The following TIAM2 variants were observed in gnomAD, a reference collection of about 807,000 sequenced individuals.
The protein encoded by TIAM2 is TIAM Rac1 associated GEF 2.
In TIAM2, 80 loss-of-function variants were observed where a neutral mutation model predicts 152.9. The observed-to-expected ratio is 0.52, with a 90% CI of 0.44 to 0.63. The LOEUF (loss-of-function observed/expected upper bound fraction) is 0.63, where lower values mean the gene tolerates loss of function less well. TIAM2 is among the 30% of genes least tolerant of loss of function. The pLI, the probability that TIAM2 is intolerant of heterozygous loss-of-function variation, is 0.00. For missense variants in TIAM2, 1,965 were observed against 2,120.1 expected, an observed-to-expected ratio of 0.93 and a Z score of 1.44; for synonymous variants, 804 against 838.0, an observed-to-expected ratio of 0.96 and a Z score of 0.70.
intron 2 of TIAM2, among the ~76,000 whole-genome samples, chr6:155,116,393 A>T (rs1312628047): frequency 1.3e-5 from 2 of 148,464 alleles, no homozygotes; most frequent in Non-Finnish European, 2.9e-5. Context: ...TCTAAAAATG[A>T]CTCTCAAACA....
intron 14 of TIAM2, among the ~76,000 whole-genome samples, chr6:155,194,196 C>T (rs1161545370): frequency 6.6e-6 from 1 of 152,098 alleles, no homozygotes; most frequent in Non-Finnish European, 1.5e-5. Flanking sequence ...CGGGAGGAGG[C>T]CGGGGCTGTC....
At chr6:155,046,238 G>A (rs543339101) in intron 1 of TIAM2, among the ~76,000 whole-genome samples, 256 of 151,766 alleles carry the variant, frequency 1.7e-3, no homozygotes, top group Middle Eastern at 6.8e-3. Flanking sequence ...CCTGTTTCCA[G>A]CATTGCTGTT....
chr6:155,253,873 T>G, intron 24 of TIAM2, 100 bp from the exon 25 acceptor site: 3 of 841,302 alleles, frequency 3.6e-6, no homozygotes, highest in Non-Finnish European at 5.6e-6. Context: ...CTGGGAATAT[T>G]AGACTTTCTT....
At chr6:155,226,383 T>G (rs1217881919) in intron 15 of TIAM2, among the ~76,000 whole-genome samples, 1 of 152,170 alleles carries the variant, frequency 6.6e-6, no homozygotes, top group Non-Finnish European at 1.5e-5. Flanking sequence ...AGATTGCTGA[T>G]GGTAGGTTGG....
chr6:155,177,997 T>C (rs1035305054), intron 10 of TIAM2, among the ~76,000 whole-genome samples: 20 of 151,766 alleles, frequency 1.3e-4, no homozygotes, highest in African/African-American at 4.6e-4. Flanking sequence ...CCGTCTCTAC[T>C]AAAAATACAA....
chr6:155,119,118 T>C (rs1310696606), intron 2 of TIAM2, among the ~76,000 whole-genome samples: 1 of 151,606 alleles, frequency 6.6e-6, no homozygotes, highest in Non-Finnish European at 1.5e-5. Flanking sequence ...CACTACAACC[T>C]CCGCCTCCTG....
chr6:155,022,037 C>CT (rs1776510696), intron 1 of TIAM2, among the ~76,000 whole-genome samples: 1 of 152,194 alleles, frequency 6.6e-6, no homozygotes, highest in African/African-American at 2.4e-5. Flanking sequence ...GCATCTGCAG[C>CT]TTCGTACTTG....
At chr6:155,050,632 A>G (rs962940249) in intron 1 of TIAM2, among the ~76,000 whole-genome samples, 2 of 152,176 alleles carry the variant, frequency 1.3e-5, no homozygotes, top group Non-Finnish European at 2.9e-5. Flanking sequence ...CTAGCTTCTC[A>G]TTTCCTTGCA....
intron 2 of TIAM2, among the ~76,000 whole-genome samples, chr6:155,118,877 T>C (rs1779083656): frequency 6.6e-6 from 1 of 151,730 alleles, no homozygotes; most frequent in Non-Finnish European, 1.5e-5. Context: ...TTTTTTAATT[T>C]GTGCAGTGCA....
Position 155,061,423 on chromosome 6 carries a change from C to A in TIAM2, c.-208-28866C>A, listed in dbSNP as rs200455380. 3.3e-5 allele frequency among the ~76,000 whole-genome samples: 5 copies of A among 149,648 alleles called. No homozygotes were observed. In the East Asian group the frequency reaches 9.7e-4, roughly 29 times the overall value. On this transcript the variant is annotated intron_variant, in intron 1 of 26. Transcript: ENST00000682666. ...CAATATGAGCTTCTACTTACATCTG[C>A]AACTTGAATCCAGTACCAGAGTTAG...
intron 15 of TIAM2, 62 bp from the exon 16 acceptor site, chr6:155,240,468 G>C (rs1399746071): frequency 6.6e-7 from 1 of 1,519,384 alleles, no homozygotes; most frequent in South Asian, 1.3e-5. Flanking sequence ...GTGCCCTTGG[G>C]GGCAGCGGAT....
chr6:155,123,247 T>TATGTGAAAATGCAC (rs1334042802), intron 2 of TIAM2, among the ~76,000 whole-genome samples: 1 of 152,138 alleles, frequency 6.6e-6, no homozygotes, highest in Non-Finnish European at 1.5e-5. Context: ...GCATTATGCA[T>TATGTGAAAATGCAC]ATGTGAAAAT....
At chr6:155,022,719 G>T (rs1035621874) in intron 1 of TIAM2, among the ~76,000 whole-genome samples, 3 of 152,220 alleles carry the variant, frequency 2.0e-5, no homozygotes, top group Admixed American at 6.5e-5. Context: ...AACATTGCCT[G>T]TGGCCACCTT....
intron 7 of TIAM2, among the ~76,000 whole-genome samples, chr6:155,163,224 C>T (rs73795325): frequency 0.026 from 3,892 of 152,294 alleles, 61 homozygotes; most frequent in Middle Eastern, 0.065. Context: ...CTTCACACTG[C>T]ATCCTTGATT....
chr6:155,052,599 C>T (rs1363075868), intron 1 of TIAM2, among the ~76,000 whole-genome samples: 1 of 151,964 alleles, frequency 6.6e-6, no homozygotes, highest in African/African-American at 2.4e-5. Flanking sequence ...AACCCTGTCA[C>T]TACTAAAACT....
chr6:155,071,693 A>G (rs9384278), intron 1 of TIAM2, among the ~76,000 whole-genome samples: 68,451 of 151,912 alleles, frequency 0.45, 15,530 homozygotes, highest in East Asian at 0.55. Context: ...TCAGGAGTTC[A>G]AGACTAGCCT....
At chr6:155,084,426 T>G (rs1470048221) in intron 1 of TIAM2, among the ~76,000 whole-genome samples, 2 of 152,238 alleles carry the variant, frequency 1.3e-5, no homozygotes, top group Non-Finnish European at 2.9e-5. Flanking sequence ...TAGTGCTAAC[T>G]TTTGTATCCT....
chr6:155,242,056 G>GGTGT (rs1313991502), intron 16 of TIAM2, among the ~76,000 whole-genome samples: 2 of 152,182 alleles, frequency 1.3e-5, no homozygotes, highest in Non-Finnish European at 2.9e-5. Context: ...GTACTCAGAT[G>GGTGT]GTGTCATGGG....
rs199938641 is a variant in TIAM2, at chr6:155,256,678, G to C, written c.4663G>C (p.Ala1555Pro). Residue 1555 changes from alanine to proline, a missense_variant, in exon 27 of 27, where the codon GCA (alanine) becomes CCA (proline). Physicochemically the swap from Ala to Pro is conservative, Grantham distance 27 (BLOSUM62 -1). This residue lies in a region of TIAM2 where 935 missense variants were observed against 980.0 expected (regional missense o/e 0.95). Coordinates refer to ENST00000682666, the MANE Select transcript of TIAM2 (RefSeq NM_012454.4). ...CGGGAAATACCCACACCCCGGCTTGGCAGATTTTGCCGACAATCTCATCAA... is the reference window on the plus strand; with the variant it reads ...CGGGAAATACCCACACCCCGGCTTGCCAGATTTTGCCGACAATCTCATCAA... Reference protein sequence around the residue: ...SPGKYPHPGLADFADNLIKES... With the variant: ...SPGKYPHPGLPDFADNLIKES... 9 of 1,614,166 alleles carry C rather than the reference G, an allele frequency of 5.6e-6. No homozygotes were observed. In the East Asian group the frequency reaches 2.0e-4, roughly 36 times the overall value.
Sources: gnomAD v4.1 joint callset for allele counts (sites outside exome capture counted in the v4.1 genomes callset) on GRCh38, gnomAD v4.1.1 for gene constraint, gnomAD v4.1.1 regional missense constraint, MANE v1.5 for transcripts, NCBI Gene and HGNC (gene_info 2026-07-23, HGNC 2026-07-21) for gene names.